The following XYLB variants were observed in gnomAD, a reference collection of about 807,000 sequenced individuals.
The protein encoded by XYLB is xylulokinase.
Under a neutral mutation model 78.7 loss-of-function variants are expected in XYLB, and 62 were observed. That is an observed-to-expected ratio of 0.79 (90% confidence interval 0.64 to 0.97). The LOEUF is 0.97. XYLB is among the 50% of genes least tolerant of loss of function. XYLB has a pLI of 0.00. For missense variants in XYLB, 687 were observed against 676.8 expected (o/e 1.02, Z -0.17); for synonymous variants, 245 against 247.4 (o/e 0.99, Z 0.09).
chr3:38,370,238 G>GCACACACACACA (rs1553653435), intron 9 of XYLB, 64 bp downstream of exon 9: 140 of 326,626 alleles, frequency 4.3e-4, no homozygotes, highest in Non-Finnish European at 6.0e-4. Flanking sequence ...AAGCACTGTA[G>GCACACACACACA]CGCACACACA....
the XYLB span, among the ~76,000 whole-genome samples, chr3:38,445,317 C>T: frequency 2.2e-4 from 34 of 152,238 alleles, no homozygotes; most frequent in African/African-American, 5.3e-4. Flanking sequence ...CCCCACGCGA[C>T]GGGGCTTTGG....
the XYLB span, among the ~76,000 whole-genome samples, chr3:38,430,737 T>C: frequency 6.6e-6 from 1 of 152,192 alleles, no homozygotes; most frequent in African/African-American, 2.4e-5. Context: ...TTGTATGAGG[T>C]GTAAAGAAGG....
chr3:38,377,592 T>C (rs1194536234), intron 14 of XYLB, among the ~76,000 whole-genome samples: 2 of 151,916 alleles, frequency 1.3e-5, no homozygotes, highest in Non-Finnish European at 2.9e-5. Context: ...GGATTATAGA[T>C]GCAAGCCACC....
intron 17 of XYLB, 106 bp from the exon 18 acceptor site, chr3:38,400,785 T>G (rs1708089822): frequency 2.4e-6 from 2 of 830,218 alleles, no homozygotes; most frequent in Admixed American, 4.4e-5. Context: ...ATCACTATAA[T>G]CCAGTTTTAG....
At chr3:38,450,076 G>C in the XYLB span, among the ~76,000 whole-genome samples, 1 of 152,148 alleles carries the variant, frequency 6.6e-6, no homozygotes, top group South Asian at 2.1e-4. Flanking sequence ...ACCAAAGAAA[G>C]TATACACTGC....
intron 2 of XYLB, chr3:38,356,168 G>A (rs566624046): frequency 1.1e-4 from 17 of 160,428 alleles, no homozygotes; most frequent in Middle Eastern, 3.1e-3. Flanking sequence ...GGAGAATGGC[G>A]TGAACCTGGG....
At chr3:38,403,095 G>A (rs564506275) in intron 18 of XYLB, among the ~76,000 whole-genome samples, 34 of 152,020 alleles carry the variant, frequency 2.2e-4, no homozygotes, top group South Asian at 1.7e-3. Context: ...CCAGGAGTTC[G>A]AGACCAGCCT....
chr3:38,437,606 G>T, the XYLB span, among the ~76,000 whole-genome samples: 2 of 152,138 alleles, frequency 1.3e-5, no homozygotes, highest in Non-Finnish European at 1.5e-5. Context: ...AAAACCAGTC[G>T]TGTTGCTATA....
intron 10 of XYLB, 87 bp from the exon 11 acceptor site, chr3:38,374,375 C>T: frequency 4.4e-6 from 7 of 1,595,188 alleles, no homozygotes; most frequent in Non-Finnish European, 6.0e-6. Context: ...GAGGTGGGGG[C>T]TCTGCGCCTG....
Position 38,365,786 on chromosome 3 carries a change from G to A in XYLB, c.507+50G>A, listed in dbSNP as rs528709037. The A allele has an allele frequency of 2.6e-5, 40 of 1,558,748 alleles. 1 individual carries two copies. Among genetic ancestry groups the A allele is most frequent in the Middle Eastern group, 1.9e-4 (1 of 5,288 alleles). ...AGGGGGTGGTCTGGTTGCAAGCTCC[G>A]GAGGCATAGTGGGTGACCTGCCTCT... On this transcript the variant is annotated intron_variant, in intron 6 of 18. Transcript: ENST00000207870.
At chr3:38,449,198 C>T in the XYLB span, among the ~76,000 whole-genome samples, 1 of 152,304 alleles carries the variant, frequency 6.6e-6, no homozygotes, top group East Asian at 1.9e-4. Flanking sequence ...TTTTGGCTCA[C>T]TGCAACCTCC....
intron 18 of XYLB, among the ~76,000 whole-genome samples, chr3:38,411,304 C>T (rs1369407953): frequency 2.6e-5 from 4 of 152,126 alleles, no homozygotes; most frequent in Admixed American, 1.3e-4. Flanking sequence ...ACCACATGTT[C>T]TCACTCATAG....
At chr3:38,445,167 T>G in the XYLB span, among the ~76,000 whole-genome samples, 1 of 152,128 alleles carries the variant, frequency 6.6e-6, no homozygotes, top group Admixed American at 6.5e-5. Flanking sequence ...AGGGAAGAGA[T>G]CTCCAGGGTT....
chr3:38,357,628 C>T (rs963792704), intron 2 of XYLB, among the ~76,000 whole-genome samples: 6 of 152,242 alleles, frequency 3.9e-5, no homozygotes, highest in African/African-American at 1.2e-4. Context: ...CCTTGTGATC[C>T]GCCCGCCTCG....
chr3:38,358,024 GT>G (rs1387861919), intron 2 of XYLB, among the ~76,000 whole-genome samples: 1 of 150,882 alleles, frequency 6.6e-6, no homozygotes, highest in Non-Finnish European at 1.5e-5. Context: ...TTGAAGCAAT[GT>G]TTTTAATTTT....
At chr3:38,421,943 A>T (rs1333218196), downstream of XYLB, among the ~76,000 whole-genome samples, 3 of 152,222 alleles carry the variant, frequency 2.0e-5, no homozygotes, top group Non-Finnish European at 2.9e-5. Context: ...TTCAGGCAGG[A>T]ATCCAGCAAG....
intron 14 of XYLB, among the ~76,000 whole-genome samples, 195 bp downstream of exon 14, chr3:38,377,186 T>C (rs1219635150): frequency 6.6e-6 from 1 of 151,996 alleles, no homozygotes; most frequent in Non-Finnish European, 1.5e-5. Flanking sequence ...ACACGGTCCT[T>C]TCCCTCAGGG....
intron 15 of XYLB, among the ~76,000 whole-genome samples, chr3:38,387,321 T>C (rs878933047): frequency 1.1e-4 from 17 of 152,174 alleles, no homozygotes; most frequent in South Asian, 4.1e-4. Context: ...TTTTTTTTTT[T>C]TCTCTCTCTC....
chr3:38,360,315 C>T, intron 2 of XYLB, 24 bp from the exon 3 acceptor site: 1 of 1,610,748 alleles, frequency 6.2e-7, no homozygotes, highest in East Asian at 2.2e-5. Flanking sequence ...AGGCTCTGGT[C>T]TACATTCTCT....
Sources: allele counts gnomAD v4.1 joint callset (sites outside exome capture counted in the v4.1 genomes callset), GRCh38; gene constraint gnomAD v4.1.1; transcripts MANE v1.5; gene names NCBI Gene and HGNC (gene_info 2026-07-23, HGNC 2026-07-21).